Variants in CSMD1 observed in about 807,000 individuals in gnomAD.
The protein encoded by CSMD1 is CUB and Sushi multiple domains 1.
In CSMD1, 213 loss-of-function variants were observed where a neutral mutation model predicts 417.5. That is an observed-to-expected ratio of 0.51 (90% CI 0.46 to 0.57). The LOEUF is 0.57. CSMD1 is among the 20% of genes least tolerant of loss of function. CSMD1 has a pLI of 0.00. For missense variants in CSMD1, 6,923 were observed against 4,529.7 expected (o/e 1.53, Z -15.17); for synonymous variants, 2,862 against 1,736.8 (o/e 1.65, Z -16.11).
intron 3 of CSMD1, among the ~76,000 whole-genome samples, chr8:4,374,786 G>C (rs1198043316): frequency 2.0e-5 from 3 of 152,084 alleles, no homozygotes; most frequent in Non-Finnish European, 4.4e-5. Flanking sequence ...ACCTGCTCTA[G>C]GATGGCCCAG....
At chr8:4,456,164 C>T (rs904599894) in intron 2 of CSMD1, among the ~76,000 whole-genome samples, 1 of 151,040 alleles carries the variant, frequency 6.6e-6, no homozygotes, top group Non-Finnish European at 1.5e-5. Context: ...TGGTCCCTGT[C>T]TTTTGGAAAA....
intron 26 of CSMD1, among the ~76,000 whole-genome samples, chr8:3,258,913 G>C (rs1311273821): frequency 1.3e-5 from 2 of 152,178 alleles, no homozygotes; most frequent in South Asian, 2.1e-4. Context: ...GACACATAAA[G>C]GGGAACAATA....
chr8:4,249,039 A>G (rs1802887433), intron 3 of CSMD1, among the ~76,000 whole-genome samples: 1 of 152,182 alleles, frequency 6.6e-6, no homozygotes, highest in African/African-American at 2.4e-5. Flanking sequence ...GGCATATGCT[A>G]CTCAATGAAT....
At chr8:4,134,187 T>A (rs140709250) in intron 3 of CSMD1, among the ~76,000 whole-genome samples, 3 of 152,170 alleles carry the variant, frequency 2.0e-5, no homozygotes, top group African/African-American at 7.2e-5. Context: ...AAAATTAAAG[T>A]TGAAGGAAAG....
At chr8:3,776,902 A>G (rs1310098910) in intron 5 of CSMD1, among the ~76,000 whole-genome samples, 2 of 151,434 alleles carry the variant, frequency 1.3e-5, no homozygotes, top group Non-Finnish European at 2.9e-5. Context: ...TTTTGCAGAG[A>G]CGGGGTCTCA....
chr8:3,568,092 A>G (rs1208826252), intron 10 of CSMD1, among the ~76,000 whole-genome samples: 1 of 152,166 alleles, frequency 6.6e-6, no homozygotes, highest in African/African-American at 2.4e-5. Flanking sequence ...AAATAATTTT[A>G]TAATTTCCAT....
At chr8:3,158,340 G>T (rs1379126151) in intron 38 of CSMD1, among the ~76,000 whole-genome samples, 1 of 151,978 alleles carries the variant, frequency 6.6e-6, no homozygotes, top group Non-Finnish European at 1.5e-5. Flanking sequence ...CAATTAGAAA[G>T]TACTAGGTGG....
intron 37 of CSMD1, among the ~76,000 whole-genome samples, chr8:3,175,483 TCCTGCCTG>T (rs67818519): frequency 7.9e-4 from 96 of 121,658 alleles, no homozygotes; most frequent in South Asian, 5.4e-3. Flanking sequence ...TTCCCTTCCT[TCCTGCCTG>T]CCTGCCTGCC....
intron 5 of CSMD1, among the ~76,000 whole-genome samples, chr8:3,943,091 C>G (rs1475859706): frequency 6.6e-6 from 1 of 151,888 alleles, no homozygotes; most frequent in African/African-American, 2.4e-5. Flanking sequence ...CCCACATTAC[C>G]TGGGATTCAA....
intron 5 of CSMD1, among the ~76,000 whole-genome samples, chr8:3,803,348 C>A (rs1263669583): frequency 6.6e-6 from 1 of 152,118 alleles, no homozygotes; most frequent in East Asian, 1.9e-4. Flanking sequence ...ATAGACAAGA[C>A]AAGACAAGAC....
chr8:3,487,936 C>T lies in CSMD1; in HGVS notation c.1448+5687G>A, dbSNP rs185581468. The stretch of plus-strand genomic sequence containing the variant: ...ATGGTTTTGTTTTTAAACTTGTTTG[C>T]ATCCCATTAGAGATGTGTATTTTAT... On this transcript the variant is annotated intron_variant, in intron 11 of 69. Transcript: ENST00000635120. 1.0e-3 allele frequency among the ~76,000 whole-genome samples: 152 copies of T among 152,088 alleles called. No homozygotes were observed. In the South Asian group the frequency reaches 0.016, roughly 16 times the overall value.
chr8:4,006,790 CTT>C (rs1236841423), intron 4 of CSMD1, among the ~76,000 whole-genome samples: 1 of 141,302 alleles, frequency 7.1e-6, no homozygotes, highest in Non-Finnish European at 1.5e-5. Context: ...ATTCATATTT[CTT>C]TTGTCGCTGA....
intron 26 of CSMD1, 79 bp from the exon 27 acceptor site, chr8:3,230,310 G>T: frequency 8.4e-7 from 1 of 1,186,678 alleles, no homozygotes; most frequent in Non-Finnish European, 1.2e-6. Flanking sequence ...TGTTCTTGTG[G>T]GTTGAAGCAC....
chr8:4,246,367 T>A (rs913860021), intron 3 of CSMD1, among the ~76,000 whole-genome samples: 1 of 152,016 alleles, frequency 6.6e-6, no homozygotes. Context: ...CTTAGAAGAG[T>A]AGTTCTTGAT....
chr8:4,094,337 G>C (rs545323655), intron 3 of CSMD1, among the ~76,000 whole-genome samples: 1 of 152,246 alleles, frequency 6.6e-6, no homozygotes, highest in Admixed American at 6.5e-5. Context: ...GGCCAGAGGT[G>C]GCTGTGAGCT....
At chr8:4,732,477 G>A (rs1012843249) in intron 1 of CSMD1, among the ~76,000 whole-genome samples, 1 of 151,722 alleles carries the variant, frequency 6.6e-6, no homozygotes, top group Admixed American at 6.6e-5. Flanking sequence ...ACTTACAAGG[G>A]CTTCATTTTC....
At chr8:3,544,585 G>C (rs888057270) in intron 10 of CSMD1, among the ~76,000 whole-genome samples, 5 of 152,028 alleles carry the variant, frequency 3.3e-5, no homozygotes, top group Admixed American at 2.6e-4. Flanking sequence ...CTTAGGGTCT[G>C]GATTGGGATC....
chr8:4,087,695 CT>C (rs1355178586), intron 3 of CSMD1, among the ~76,000 whole-genome samples: 2 of 152,190 alleles, frequency 1.3e-5, no homozygotes, highest in African/African-American at 4.8e-5. Flanking sequence ...GTGTCTCTGC[CT>C]GGCATCCTGC....
chr8:3,078,109 T>C (rs980987815), intron 49 of CSMD1, among the ~76,000 whole-genome samples: 1 of 152,256 alleles, frequency 6.6e-6, no homozygotes, highest in African/African-American at 2.4e-5. Context: ...ATGTGTGAGA[T>C]ATATAGTTGA....
Sources: gnomAD v4.1 joint callset for allele counts (sites outside exome capture counted in the v4.1 genomes callset) on GRCh38, gnomAD v4.1.1 for gene constraint, MANE v1.5 for transcripts, NCBI Gene and HGNC (gene_info 2026-07-23, HGNC 2026-07-21) for gene names.